Variants in SDCBP2 observed in about 807,000 individuals in gnomAD.
SDCBP2 encodes the protein syntenin-2.
Under a neutral mutation model 30.7 loss-of-function variants are expected in SDCBP2, and 28 were observed. The ratio of observed to expected loss-of-function variants is 0.91; its 90% CI spans 0.68 to 1.25. The LOEUF is 1.25. SDCBP2 is among the 50% of genes most tolerant of loss of function. SDCBP2 has a pLI of 0.00. For synonymous variants in SDCBP2, 166 were observed against 157.3 expected (o/e 1.06, Z -0.41); for missense variants, 399 against 379.0 (o/e 1.05, Z -0.44).
At chr20:1,327,716 T>C (rs1301779168) in intron 1 of SDCBP2, among the ~76,000 whole-genome samples, 3 of 152,260 alleles carry the variant, frequency 2.0e-5, no homozygotes, top group African/African-American at 7.2e-5. Flanking sequence ...TGCATCACAG[T>C]TGTCTGGAGA....
intron 1 of SDCBP2, chr20:1,325,815 T>G (rs2088916782): frequency 6.6e-6 from 1 of 152,066 alleles, no homozygotes; most frequent in South Asian, 2.1e-4. Flanking sequence ...TCACCCTTCC[T>G]CCCCCGTTTC....
chr20:1,313,378 G>A lies in SDCBP2; in HGVS notation c.346C>T (p.Arg116Cys). The change falls in exon 5 of 9, where the codon CGC becomes TGC. Residue 116 changes from arginine to cysteine, a missense_variant. Arg to Cys is a radical substitution (Grantham distance 180, BLOSUM62 -3). Transcript: ENST00000360779. The surrounding 1 kb of genome is among the most constrained non-coding windows in gnomAD (Gnocchi z 5.2). ...VREIHLCKDE[R>C]GKTGLRLRKV... ...CGCAGCCTCAGCCCGGTCTTGCCGC[G>A]CTCGTCCTTGCACAGGTGGATCTCG... 2 of 1,611,218 alleles carry A rather than the reference G, an allele frequency of 1.2e-6. No individual in the cohort carries two copies. Among genetic ancestry groups the A allele is most frequent in the Non-Finnish European group, 1.7e-6 (2 of 1,179,492 alleles).
intron 1 of SDCBP2, chr20:1,322,262 T>G (rs895949347): frequency 1.3e-5 from 2 of 152,274 alleles, no homozygotes; most frequent in African/African-American, 4.8e-5. Flanking sequence ...TGCTTTGATT[T>G]GTGCTCCCCC....
intron 4 of SDCBP2, among the ~76,000 whole-genome samples, chr20:1,315,679 A>G (rs2088766389): frequency 6.6e-6 from 1 of 152,274 alleles, no homozygotes; most frequent in Non-Finnish European, 1.5e-5. Context: ...TAACCATTTT[A>G]GAAGAATACG....
Position 1,313,858 on chromosome 20 carries a change from AT to A in SDCBP2, c.226-361del, listed in dbSNP as rs2088727413. ...GAGCAACAGGGGATAAAAGGACTGG[AT>A]TTTTGTCTTGAGAAAAATGTAAAAA... On this transcript the variant is annotated intron_variant, in intron 4 of 8. Transcript: ENST00000360779. The surrounding 1 kb of genome is among the most constrained non-coding windows in gnomAD (Gnocchi z 5.2). Among the ~76,000 whole-genome samples, 1 of 152,054 alleles carries A rather than the reference AT, an allele frequency of 6.6e-6. No homozygotes were observed.
chr20:1,320,109 G>A lies in SDCBP2; in HGVS notation c.54+254C>T, dbSNP rs559360594. On this transcript the variant is annotated intron_variant, in intron 2 of 8. Coordinates refer to ENST00000360779, the MANE Select transcript of SDCBP2 (RefSeq NM_080489.5). This position sits in a 1 kb window ranked among gnomAD's most constrained non-coding sequence, Gnocchi z 4.7. ...TGGAGCCCGCCCATCCTGGAGGGAG[G>A]GAGAGCTGGGCCTGGGCAGGACAGA... is the stretch of plus-strand genomic sequence containing the variant. Among the ~76,000 whole-genome samples, 82 of 152,074 alleles carry A rather than the reference G, an allele frequency of 5.4e-4. No homozygotes were observed. The highest frequency in any genetic ancestry group is 1.9e-3 in the African/African-American group (80 of 41,510).
At chr20:1,328,671 T>G (rs1356078920) in intron 1 of SDCBP2, among the ~76,000 whole-genome samples, 1 of 152,042 alleles carries the variant, frequency 6.6e-6, no homozygotes, top group African/African-American at 2.4e-5. Flanking sequence ...GCAGGAAGGT[T>G]TTTTGATAGA....
intron 4 of SDCBP2, among the ~76,000 whole-genome samples, chr20:1,316,058 C>T (rs904661564): frequency 2.6e-5 from 4 of 152,158 alleles, no homozygotes; most frequent in African/African-American, 9.7e-5. Flanking sequence ...CCCGTGATCG[C>T]ACCACTGCAC....
intron 1 of SDCBP2, among the ~76,000 whole-genome samples, chr20:1,328,841 A>G (rs1031488241): frequency 1.3e-5 from 2 of 152,172 alleles, no homozygotes; most frequent in African/African-American, 4.8e-5. Context: ...GTCAGAAGGC[A>G]TCGGGGGCCC....
rs1370924306 is a variant in SDCBP2 at position 1,321,116 on chromosome 20, C to CCTCCGGGACAG, written c.-19-692_-19-682dup. 6.6e-6 allele frequency: 1 copy of CCTCCGGGACAG among 152,536 alleles called. No homozygotes were observed. Among genetic ancestry groups the CCTCCGGGACAG allele is most frequent in the Non-Finnish European group, 1.5e-5 (1 of 68,356 alleles). 9.4% of individuals were successfully genotyped at this position (152,536 alleles called of 1,614,324 possible). On this transcript the variant is annotated intron_variant, in intron 1 of 8. Coordinates refer to ENST00000360779, the MANE Select transcript of SDCBP2 (RefSeq NM_080489.5). The surrounding 1 kb of genome is among the most constrained non-coding windows in gnomAD (Gnocchi z 5.2). ...CTGCCCCTCCCACCCAGGACCCTGCCCTCCGGGACAGCTCCGGGACAGCAC... is the reference window on the plus strand; with the variant it reads ...CTGCCCCTCCCACCCAGGACCCTGCCCTCCGGGACAGCTCCGGGACAGCTCCGGGACAGCAC...
intron 8 of SDCBP2, 145 bp from the exon 9 acceptor site, chr20:1,310,640 C>T: frequency 9.9e-7 from 1 of 1,015,020 alleles, no homozygotes; most frequent in Non-Finnish European, 1.5e-6. Context: ...CCACAAGCTA[C>T]CTTGGAGGGA....
At chr20:1,322,296 C>G (rs1412149824) in intron 1 of SDCBP2, 1 of 152,224 alleles carries the variant, frequency 6.6e-6, no homozygotes. Flanking sequence ...ATGTCCTACT[C>G]CTGTTGAGTA....
chr20:1,326,585 T>A (rs1393073822), intron 1 of SDCBP2, among the ~76,000 whole-genome samples: 1 of 152,260 alleles, frequency 6.6e-6, no homozygotes, highest in African/African-American at 2.4e-5. Context: ...TTTCCTCCAA[T>A]TTAAAGCTTT....
Position 1,312,361 on chromosome 20 carries a change from G to A in SDCBP2, c.708C>T (p.Asp236=), listed in dbSNP as rs142730951. Residue 236 remains aspartate, a synonymous_variant, in exon 7 of 9, where the codon GAC becomes GAT. Transcript: ENST00000360779. Reference sequence around the variant, plus strand: ...CCTTCAGCCCGATAACATTCTGCCCGTCCACCTCACACACGTAGTGGTTGG... The same window carrying A: ...CCTTCAGCCCGATAACATTCTGCCCATCCACCTCACACACGTAGTGGTTGG... ...LLTNHYVCEV[D]GQNVIGLKDK... 930 of 1,613,300 alleles carry A rather than the reference G, an allele frequency of 5.8e-4. 5 individuals carry two copies. Among genetic ancestry groups the A allele is most frequent in the South Asian group, 3.4e-3 (313 of 90,938 alleles).
In SDCBP2 at chr20:1,312,409, A is replaced by C; in HGVS notation, c.660T>G (p.Ser220=). The C allele has an allele frequency of 1.2e-6, 2 of 1,613,874 alleles. No homozygotes were observed. Among genetic ancestry groups the C allele is most frequent in the Non-Finnish European group, 1.7e-6 (2 of 1,179,886 alleles). The change falls in exon 7 of 9, where the codon TCT becomes TCG. Residue 220 remains serine, a synonymous_variant. Transcript: ENST00000360779. ...GKIVSLVKGS[S]AARNGLLTNH... is the part of the protein sequence containing the mutation. ...TGGTGAGGAGCCCGTTGCGGGCCGC[A>C]GAACTCCCTTTGACCAGAGAGACAA...
rs1202197356 is a variant in SDCBP2 at position 1,324,743 on chromosome 20, C to A, written c.-19-4308G>T. Among the ~76,000 whole-genome samples the A allele has an allele frequency of 1.3e-5, 2 of 152,148 alleles. No individual in the cohort carries two copies. The highest frequency in any genetic ancestry group is 2.9e-5 in the Non-Finnish European group (2 of 68,022). ...GTGAGTCACCCGAACAGCATGCTCACGTCTGTGTACATGTGTAGCTGTCAC... is the reference window on the plus strand; with the variant it reads ...GTGAGTCACCCGAACAGCATGCTCAAGTCTGTGTACATGTGTAGCTGTCAC... On this transcript the variant is annotated intron_variant, in intron 1 of 8. Coordinates refer to ENST00000360779, the MANE Select transcript of SDCBP2 (RefSeq NM_080489.5). This position sits in a 1 kb window ranked among gnomAD's most constrained non-coding sequence, Gnocchi z 4.7.
rs749236229 is a variant in SDCBP2, at chr20:1,313,426, C to T, written c.298G>A (p.Ala100Thr). Residue 100 changes from alanine (A) to threonine (T), a missense_variant, in exon 5 of 9, where the codon GCT becomes ACT. Coordinates refer to ENST00000360779, the MANE Select transcript of SDCBP2 (RefSeq NM_080489.5). The surrounding 1 kb of genome is among the most constrained non-coding windows in gnomAD (Gnocchi z 5.2). ...TCGCGCACCCCGGGCTTGATCTCAG[C>T]TCGCCGCACGCCCAGGCTGTACCCG... ...VTGYSLGVRR[A>T]EIKPGVREIH... 5 of 1,604,732 alleles carry T rather than the reference C, an allele frequency of 3.1e-6. No individual in the cohort carries two copies. Among genetic ancestry groups the T allele is most frequent in the East Asian group, 4.5e-5 (2 of 44,500 alleles).
In SDCBP2 at chr20:1,313,487, C is replaced by G; in HGVS notation, c.237G>C (p.Ser79=). ...QIPEGDSTAV[S]GPGPGQMVAP... Reference sequence around the variant, plus strand: ...CCACCATCTGGCCGGGCCCGGGGCCCGAGACCGCTGTCTGCAGACACCAGG... The same window carrying G: ...CCACCATCTGGCCGGGCCCGGGGCCGGAGACCGCTGTCTGCAGACACCAGG... The change falls in exon 5 of 9, where the codon TCG becomes TCC. Residue 79 remains serine (S), a synonymous_variant. Coordinates refer to ENST00000360779, the MANE Select transcript of SDCBP2 (RefSeq NM_080489.5). This position sits in a 1 kb window ranked among gnomAD's most constrained non-coding sequence, Gnocchi z 5.2. 1 of 1,590,176 alleles carries G rather than the reference C, an allele frequency of 6.3e-7. No individual in the cohort carries two copies.
At chr20:1,314,708 CA>C (rs982547026) in intron 4 of SDCBP2, among the ~76,000 whole-genome samples, 7 of 151,036 alleles carry the variant, frequency 4.6e-5, no homozygotes, top group Admixed American at 2.6e-4. Context: ...GCCTGGGCAA[CA>C]AAGCAAGACC....
Sources: allele counts gnomAD v4.1 joint callset (sites outside exome capture counted in the v4.1 genomes callset), GRCh38; gene constraint gnomAD v4.1.1; non-coding constraint Gnocchi (gnomAD v3.1); transcripts MANE v1.5; gene names NCBI Gene and HGNC (gene_info 2026-07-23, HGNC 2026-07-21).